The following FAM117A variants were observed in gnomAD, a reference collection of about 807,000 sequenced individuals.
FAM117A encodes the protein protein FAM117A.
A neutral mutation model predicts 44.1 loss-of-function variants in FAM117A; 21 were observed. That is an observed-to-expected ratio of 0.48 (90% CI 0.34 to 0.69). The LOEUF is 0.69. Ranked by LOEUF, FAM117A falls within the 30% of genes least tolerant of loss-of-function variation. FAM117A has a pLI of 0.01. For missense variants in FAM117A, 498 were observed against 589.9 expected (o/e 0.84, Z 1.61); for synonymous variants, 220 against 238.3 (o/e 0.92, Z 0.71).
At chr17:49,713,022 C>T (rs140501335) in intron 7 of FAM117A, among the ~76,000 whole-genome samples, 1 of 152,206 alleles carries the variant, frequency 6.6e-6, no homozygotes, top group East Asian at 1.9e-4. Flanking sequence ...ATTACAGATG[C>T]CTGCCACCAT....
At chr17:49,776,690 A>G (rs2073776394) in intron 1 of FAM117A, among the ~76,000 whole-genome samples, 1 of 152,116 alleles carries the variant, frequency 6.6e-6, no homozygotes, top group Non-Finnish European at 1.5e-5. Context: ...GGTTTCCATG[A>G]AGGAGAAACC....
chr17:49,727,488 G>C (rs2073565205), intron 2 of FAM117A, among the ~76,000 whole-genome samples: 1 of 152,226 alleles, frequency 6.6e-6, no homozygotes, highest in Non-Finnish European at 1.5e-5. Flanking sequence ...CCCAGGGTGA[G>C]CAGCTGAGGG....
intron 5 of FAM117A, 75 bp downstream of exon 5, chr17:49,719,684 AG>A: frequency 6.8e-7 from 1 of 1,461,102 alleles, no homozygotes; most frequent in Non-Finnish European, 9.0e-7. Context: ...CCCAGAGAGC[AG>A]GACTCCCAGT....
At chr17:49,716,939 G>A (rs2073507060) in intron 6 of FAM117A, among the ~76,000 whole-genome samples, 2 of 152,130 alleles carry the variant, frequency 1.3e-5, no homozygotes, top group Non-Finnish European at 2.9e-5. Flanking sequence ...TCATGGGGTT[G>A]ATGTGACAAT....
upstream of FAM117A, among the ~76,000 whole-genome samples, chr17:49,768,452 C>T (rs1033617032): frequency 2.0e-5 from 3 of 152,146 alleles, no homozygotes; most frequent in South Asian, 4.1e-4. Flanking sequence ...ACCTGGAAGA[C>T]GGTCTCTGAA....
chr17:49,776,842 A>G (rs912637444), intron 1 of FAM117A, among the ~76,000 whole-genome samples: 2 of 152,144 alleles, frequency 1.3e-5, no homozygotes, highest in Non-Finnish European at 1.5e-5. Flanking sequence ...AAGCTGCAAG[A>G]GGAGGCCCTA....
At chr17:49,757,124 T>C (rs151330240) in intron 1 of FAM117A, among the ~76,000 whole-genome samples, 99 of 151,948 alleles carry the variant, frequency 6.5e-4, no homozygotes, top group Middle Eastern at 6.8e-3. Flanking sequence ...ACCCCTTTTA[T>C]TGGGGAGCTG....
chr17:49,758,621 CAAAAAAA>C (rs1182238605), intron 1 of FAM117A, among the ~76,000 whole-genome samples: 10 of 93,870 alleles, frequency 1.1e-4, no homozygotes, highest in African/African-American at 4.4e-4. Context: ...GAGACTGTCT[CAAAAAAA>C]AAAAAAAATA....
At chr17:49,788,582 A>C in exon 1 of FAM117A, 1 of 409,486 alleles carries the variant, frequency 2.4e-6, no homozygotes, top group East Asian at 3.6e-5. Flanking sequence ...CTTCACCAAA[A>C]GGATCGAACT....
At chr17:49,763,859 C>G in intron 1 of FAM117A, 33 bp downstream of exon 1, 1 of 1,055,272 alleles carries the variant, frequency 9.5e-7, no homozygotes, top group Non-Finnish European at 1.2e-6. Context: ...CCCAATGGCT[C>G]CTTCCACGGC....
At chr17:49,788,981 C>T (rs560537349), upstream of FAM117A, 338 of 827,650 alleles carry the variant, frequency 4.1e-4, no homozygotes, top group Admixed American at 2.1e-4. Context: ...GCTACCCTCT[C>T]TTCTGTCCAT....
At chr17:49,775,536 C>T (rs2073773387) in intron 1 of FAM117A, among the ~76,000 whole-genome samples, 1 of 152,202 alleles carries the variant, frequency 6.6e-6, no homozygotes, top group Non-Finnish European at 1.5e-5. Context: ...AACAGTGCTC[C>T]TTTCGGCAGG....
chr17:49,781,328 G>T (rs1189477174), intron 1 of FAM117A, among the ~76,000 whole-genome samples: 1 of 152,188 alleles, frequency 6.6e-6, no homozygotes, highest in Non-Finnish European at 1.5e-5. Flanking sequence ...CATTTGGGGT[G>T]CCATTTTCAT....
intron 1 of FAM117A, among the ~76,000 whole-genome samples, chr17:49,776,612 A>G (rs1474604251): frequency 1.3e-5 from 2 of 152,210 alleles, no homozygotes; most frequent in Non-Finnish European, 2.9e-5. Flanking sequence ...CTAGCCTAGG[A>G]CCAAATCCAC....
At chr17:49,750,131 A>G (rs2073670429) in intron 1 of FAM117A, among the ~76,000 whole-genome samples, 1 of 149,096 alleles carries the variant, frequency 6.7e-6, no homozygotes, top group Non-Finnish European at 1.5e-5. Context: ...AGAACAGTAC[A>G]TAGAACACTC....
At chr17:49,787,486 T>C (rs937662480) in intron 1 of FAM117A, among the ~76,000 whole-genome samples, 3 of 152,080 alleles carry the variant, frequency 2.0e-5, no homozygotes, top group Non-Finnish European at 4.4e-5. Flanking sequence ...ATCTTTAGAG[T>C]TCTTTACTTA....
chr17:49,725,360 A>G (rs2073555067), intron 2 of FAM117A, among the ~76,000 whole-genome samples: 1 of 152,250 alleles, frequency 6.6e-6, no homozygotes, highest in Non-Finnish European at 1.5e-5. Context: ...CACTGGCCAT[A>G]CAACCATGTA....
At chr17:49,714,815 T>C (rs961133248) in intron 7 of FAM117A, among the ~76,000 whole-genome samples, 1 of 151,726 alleles carries the variant, frequency 6.6e-6, no homozygotes, top group Non-Finnish European at 1.5e-5. Flanking sequence ...CCTGTCTAAT[T>C]TTGTATTTTT....
At chr17:49,767,638 CT>C, upstream of FAM117A, among the ~76,000 whole-genome samples, 1 of 152,182 alleles carries the variant, frequency 6.6e-6, no homozygotes. Context: ...GGTGTGGTGG[CT>C]CACGCCTGTA....
Sources: gnomAD v4.1 joint callset for allele counts (sites outside exome capture counted in the v4.1 genomes callset) on GRCh38, gnomAD v4.1.1 for gene constraint, MANE v1.5 for transcripts, NCBI Gene and HGNC (gene_info 2026-07-23, HGNC 2026-07-21) for gene names.